Variants in NFIL3 observed in about 807,000 individuals in gnomAD.
NFIL3 encodes the protein nuclear factor interleukin-3-regulated protein.
Under a neutral mutation model 10.0 loss-of-function variants are expected in NFIL3, and 5 were observed. The observed-to-expected ratio is 0.50, with a 90% CI of 0.26 to 1.06. The LOEUF (loss-of-function observed/expected upper bound fraction) is 1.06, where lower values mean the gene tolerates loss of function less well. NFIL3 is among the 50% of genes least tolerant of loss of function. NFIL3 has a pLI of 0.13. For synonymous variants in NFIL3, 202 were observed against 206.5 expected, an observed-to-expected ratio of 0.98 and a Z score of 0.19; for missense variants, 436 against 547.6, an observed-to-expected ratio of 0.80 and a Z score of 2.03.
At chr9:91,472,399 AT>A in the NFIL3 span, among the ~76,000 whole-genome samples, 2 of 151,982 alleles carry the variant, frequency 1.3e-5, no homozygotes, top group Non-Finnish European at 2.9e-5. Flanking sequence ...GGCTTTGTTA[AT>A]TTCTTTTTAC....
At chr9:91,478,649 C>T in the NFIL3 span, among the ~76,000 whole-genome samples, 7 of 152,144 alleles carry the variant, frequency 4.6e-5, no homozygotes, top group Middle Eastern at 3.4e-3. Flanking sequence ...TCTGTCAATT[C>T]GTCAAAGTCA....
intron 1 of NFIL3, among the ~76,000 whole-genome samples, chr9:91,421,611 C>A (rs1287091071): frequency 6.6e-6 from 1 of 152,108 alleles, no homozygotes; most frequent in Non-Finnish European, 1.5e-5. Flanking sequence ...GAGCGGCGCA[C>A]TGGGGGCCGC....
upstream of NFIL3, among the ~76,000 whole-genome samples, chr9:91,427,610 CA>C (rs1236649092): frequency 8.8e-5 from 12 of 135,912 alleles, no homozygotes; most frequent in East Asian, 8.4e-4. Context: ...GAATCCATAG[CA>C]TACCGTTTTT....
chr9:91,437,428 T>C, the NFIL3 span, among the ~76,000 whole-genome samples: 1 of 152,214 alleles, frequency 6.6e-6, no homozygotes, highest in Admixed American at 6.5e-5. Context: ...GTGGGATACA[T>C]GTAGATAGTA....
At chr9:91,461,012 A>G in the NFIL3 span, among the ~76,000 whole-genome samples, 4 of 152,126 alleles carry the variant, frequency 2.6e-5, no homozygotes, top group Admixed American at 2.0e-4. Context: ...CGCTTTTGTC[A>G]TTTTCATTGG....
At chr9:91,437,028 C>T in the NFIL3 span, among the ~76,000 whole-genome samples, 1 of 152,144 alleles carries the variant, frequency 6.6e-6, no homozygotes, top group African/African-American at 2.4e-5. Flanking sequence ...ACCTAGATCC[C>T]TCGCATGCGC....
At chr9:91,425,534 C>T (rs1833863543), upstream of NFIL3, among the ~76,000 whole-genome samples, 1 of 152,214 alleles carries the variant, frequency 6.6e-6, no homozygotes, top group Non-Finnish European at 1.5e-5. Context: ...ACACCATCTT[C>T]CCGGTGCTGA....
the NFIL3 span, among the ~76,000 whole-genome samples, chr9:91,482,556 G>A: frequency 3.3e-5 from 5 of 152,072 alleles, no homozygotes; most frequent in African/African-American, 9.7e-5. Context: ...CTGGAGTGCA[G>A]TAGTGCGATC....
chr9:91,443,554 A>G, the NFIL3 span, among the ~76,000 whole-genome samples: 1 of 152,242 alleles, frequency 6.6e-6, no homozygotes, highest in African/African-American at 2.4e-5. Context: ...GGGGGCTAAC[A>G]TGTCAGCACC....
At chr9:91,441,699 G>A in the NFIL3 span, among the ~76,000 whole-genome samples, 1 of 152,044 alleles carries the variant, frequency 6.6e-6, no homozygotes, top group Non-Finnish European at 1.5e-5. Context: ...CATGAGGCTT[G>A]CATAAAACTT....
At chr9:91,436,435 G>A in the NFIL3 span, among the ~76,000 whole-genome samples, 1 of 147,424 alleles carries the variant, frequency 6.8e-6, no homozygotes, top group Non-Finnish European at 1.5e-5. Flanking sequence ...AAAATTAGCC[G>A]GGCGTGGTGG....
the NFIL3 span, among the ~76,000 whole-genome samples, chr9:91,481,515 ATAAT>A: frequency 2.6e-5 from 4 of 152,176 alleles, no homozygotes; most frequent in East Asian, 1.9e-4. Context: ...ATACAATACT[ATAAT>A]TAAATTACAC....
At chr9:91,425,134 TCTC>T (rs1451601002), upstream of NFIL3, among the ~76,000 whole-genome samples, 3 of 152,102 alleles carry the variant, frequency 2.0e-5, no homozygotes, top group Non-Finnish European at 4.4e-5. Flanking sequence ...TCCCTCCTGG[TCTC>T]CTTGAACTAC....
chr9:91,421,330 G>A (rs1281458189), intron 1 of NFIL3, among the ~76,000 whole-genome samples: 2 of 151,770 alleles, frequency 1.3e-5, no homozygotes, highest in Non-Finnish European at 2.9e-5. Context: ...CCTAGCGCCC[G>A]GGCTCCACGG....
At chr9:91,420,918 G>A (rs142017198) in intron 1 of NFIL3, among the ~76,000 whole-genome samples, 181 of 152,072 alleles carry the variant, frequency 1.2e-3, no homozygotes, top group African/African-American at 4.1e-3. Context: ...AAAAAAAATC[G>A]GCTCAACTCA....
chr9:91,444,765 T>C, the NFIL3 span, among the ~76,000 whole-genome samples: 2 of 152,178 alleles, frequency 1.3e-5, no homozygotes, highest in African/African-American at 4.8e-5. Flanking sequence ...GCAACAGTGG[T>C]GGCAGCATAT....
chr9:91,428,241 A>G (rs968625849), upstream of NFIL3, among the ~76,000 whole-genome samples: 6 of 151,548 alleles, frequency 4.0e-5, no homozygotes, highest in African/African-American at 1.2e-4. Flanking sequence ...AAATTTAGTT[A>G]TCTTGATTTA....
intron 1 of NFIL3, among the ~76,000 whole-genome samples, chr9:91,412,341 G>A (rs945034990): frequency 6.6e-6 from 1 of 151,910 alleles, no homozygotes; most frequent in Non-Finnish European, 1.5e-5. Context: ...TACAAATTTG[G>A]CCTGACAGTT....
chr9:91,443,206 G>A, the NFIL3 span, among the ~76,000 whole-genome samples: 5 of 152,196 alleles, frequency 3.3e-5, no homozygotes, highest in Non-Finnish European at 7.3e-5. Flanking sequence ...GGGCTCAGAA[G>A]GGAAGAAATG....
Sources: gnomAD v4.1 joint callset for allele counts (sites outside exome capture counted in the v4.1 genomes callset) on GRCh38, gnomAD v4.1.1 for gene constraint, MANE v1.5 for transcripts, NCBI Gene and HGNC (gene_info 2026-07-23, HGNC 2026-07-21) for gene names.